CNKSR2: variants seen among roughly 807,000 people sequenced by gnomAD.
The protein encoded by CNKSR2 is connector enhancer of kinase suppressor of Ras 2.
Under a neutral mutation model 84.4 loss-of-function variants are expected in CNKSR2, and 14 were observed. That is an observed-to-expected ratio of 0.17 (90% confidence interval 0.11 to 0.26). The LOEUF is 0.26. CNKSR2 is among the 10% of genes least tolerant of loss of function. The probability of loss-of-function intolerance (pLI) is 1.00; values close to 1 mark genes in which losing one functional copy is unlikely to be tolerated. For synonymous variants in CNKSR2, 275 were observed against 277.9 expected (o/e 0.99, Z 0.10); for missense variants, 485 against 771.2 (o/e 0.63, Z 4.40).
chrX:21,636,799 G>A (rs749314780), intron 20 of CNKSR2, among the ~76,000 whole-genome samples: 1 of 108,506 alleles, frequency 9.2e-6, no homozygotes, highest in African/African-American at 3.3e-5. Flanking sequence ...CTTTGATATA[G>A]TATATATATA....
chrX:21,527,806 ATAATT>A (rs202234750), intron 10 of CNKSR2, among the ~76,000 whole-genome samples: 10,011 of 110,897 alleles, frequency 0.09, 455 homozygotes, highest in East Asian at 0.24. Context: ...TTCAAAAACA[ATAATT>A]TAAGGTCTCT....
At chrX:21,558,486 C>T (rs1479015900) in intron 11 of CNKSR2, among the ~76,000 whole-genome samples, 3 of 108,916 alleles carry the variant, frequency 2.8e-5, no homozygotes, top group Admixed American at 2.0e-4. Flanking sequence ...CTTTTTCTTT[C>T]GGTTTTTTTC....
intron 1 of CNKSR2, among the ~76,000 whole-genome samples, chrX:21,418,275 T>G (rs1348527118): frequency 3.6e-5 from 4 of 112,177 alleles, no homozygotes; most frequent in Non-Finnish European, 7.5e-5. Context: ...TTATTATTTT[T>G]GATTGGTTCA....
chrX:21,507,216 G>T (rs2091622160), intron 8 of CNKSR2, among the ~76,000 whole-genome samples: 1 of 110,881 alleles, frequency 9.0e-6, no homozygotes, highest in Non-Finnish European at 1.9e-5. Context: ...AGGACTCAAG[G>T]ATAGGTTTCA....
chrX:21,403,672 C>T (rs1490213912), intron 1 of CNKSR2, among the ~76,000 whole-genome samples: 1 of 111,590 alleles, frequency 9.0e-6, no homozygotes, highest in Non-Finnish European at 1.9e-5. Flanking sequence ...TAAAATAAAG[C>T]AGAAAGGATG....
chrX:21,635,022 A>G (rs1268302521), intron 20 of CNKSR2, among the ~76,000 whole-genome samples: 2 of 107,207 alleles, frequency 1.9e-5, no homozygotes, highest in African/African-American at 6.7e-5. Context: ...GTATCATGTC[A>G]TTCCTCACGA....
At chrX:21,401,709 G>A (rs933300982) in intron 1 of CNKSR2, among the ~76,000 whole-genome samples, 1 of 111,576 alleles carries the variant, frequency 9.0e-6, no homozygotes. Context: ...TACCACCTTT[G>A]TTTTTAGATC....
At chrX:21,634,530 A>C (rs1409704126) in intron 20 of CNKSR2, among the ~76,000 whole-genome samples, 1 of 111,502 alleles carries the variant, frequency 9.0e-6, no homozygotes, top group African/African-American at 3.3e-5. Context: ...TTATTGATGG[A>C]GGAAAATCAA....
rs2090565158 is a variant in CNKSR2, at chrX:21,426,402, A to C, written c.65-95A>C. On this transcript the variant is annotated intron_variant, in intron 1 of 21. Transcript: ENST00000379510. ...AGAGTTAAAATGGACTTAATTTGTG[A>C]CATGGTAGCATTAATGCTTGCTTCT... 9.9e-6 allele frequency: 8 copies of C among 811,550 alleles called. No individual in the cohort carries two copies. The South Asian group carries it at 1.5e-4, about 15-fold the overall frequency. 66.9% of individuals were successfully genotyped at this position (811,550 alleles called of 1,213,427 possible).
intron 21 of CNKSR2, among the ~76,000 whole-genome samples, chrX:21,650,744 G>A (rs2092719019): frequency 8.9e-6 from 1 of 111,897 alleles, no homozygotes; most frequent in Non-Finnish European, 1.9e-5. Flanking sequence ...AAAATGACCT[G>A]AAAAAATTTC....
At chrX:21,493,827 A>T (rs2147049079) in intron 6 of CNKSR2, 1 of 111,871 alleles carries the variant, frequency 8.9e-6, no homozygotes, top group African/African-American at 3.2e-5. Flanking sequence ...GGGAGATTAA[A>T]AAAGACAAAG....
intron 4 of CNKSR2, among the ~76,000 whole-genome samples, chrX:21,455,437 T>C (rs1255436479): frequency 8.9e-6 from 1 of 112,276 alleles, no homozygotes; most frequent in Non-Finnish European, 1.9e-5. Flanking sequence ...ATGTAACCAA[T>C]AAGTCATTTT....
chrX:21,507,934 T>A (rs2091630433), intron 8 of CNKSR2, among the ~76,000 whole-genome samples: 1 of 111,943 alleles, frequency 8.9e-6, no homozygotes, highest in Admixed American at 9.5e-5. Flanking sequence ...TTTTCCAGCA[T>A]CTTTGTAAGA....
At chrX:21,622,376 G>C (rs2092605503) in intron 20 of CNKSR2, among the ~76,000 whole-genome samples, 1 of 110,680 alleles carries the variant, frequency 9.0e-6, no homozygotes, top group Admixed American at 9.6e-5. Flanking sequence ...TTAAACTAAG[G>C]CTTGTTCTAA....
intron 8 of CNKSR2, among the ~76,000 whole-genome samples, chrX:21,514,620 T>C: frequency 9.0e-6 from 1 of 111,416 alleles, no homozygotes; most frequent in Non-Finnish European, 1.9e-5. Flanking sequence ...TTATAATAAG[T>C]AAAATGAAAA....
At chrX:21,594,866 A>G (rs1386620765) in intron 15 of CNKSR2, 108 bp from the exon 16 acceptor site, 2 of 528,420 alleles carry the variant, frequency 3.8e-6, no homozygotes, top group Non-Finnish European at 6.2e-6. Flanking sequence ...AATTTAAGGA[A>G]TTAAAGGAAC....
intron 20 of CNKSR2, among the ~76,000 whole-genome samples, chrX:21,632,901 G>C (rs1229877697): frequency 9.1e-6 from 1 of 110,279 alleles, no homozygotes; most frequent in African/African-American, 3.3e-5. Flanking sequence ...AGATCATATA[G>C]CCCAATTTTT....
chrX:21,442,362 A>G (rs931262209), intron 4 of CNKSR2, among the ~76,000 whole-genome samples: 6 of 111,688 alleles, frequency 5.4e-5, no homozygotes, highest in Non-Finnish European at 7.5e-5. Flanking sequence ...ACAATGAGAC[A>G]GGTACCCACA....
chrX:21,514,385 A>T (rs895750227), intron 8 of CNKSR2, among the ~76,000 whole-genome samples: 1 of 111,937 alleles, frequency 8.9e-6, no homozygotes, highest in African/African-American at 3.2e-5. Context: ...GTAAAATTAG[A>T]TACCCAAATT....
Sources: gnomAD v4.1 joint callset for allele counts (sites outside exome capture counted in the v4.1 genomes callset) on GRCh38, gnomAD v4.1.1 for gene constraint, MANE v1.5 for transcripts, NCBI Gene and HGNC (gene_info 2026-07-23, HGNC 2026-07-21) for gene names.